MAD1L1: variants seen among roughly 807,000 people sequenced by gnomAD.
MAD1L1 encodes the protein mitotic arrest deficient 1 like 1.
In MAD1L1, 95 loss-of-function variants were observed where a neutral mutation model predicts 96.9. The observed-to-expected ratio is 0.98, with a 90% CI of 0.83 to 1.16. MAD1L1 has a LOEUF of 1.16. Ranked by LOEUF, MAD1L1 falls within the 50% of genes most tolerant of loss-of-function variation. The pLI, the probability that MAD1L1 is intolerant of heterozygous loss-of-function variation, is 0.00. For synonymous variants in MAD1L1, 473 were observed against 396.6 expected (o/e 1.19, Z -2.29); for missense variants, 1,007 against 954.4 (o/e 1.06, Z -0.73).
intron 18 of MAD1L1, among the ~76,000 whole-genome samples, chr7:1,861,404 C>T (rs571997948): frequency 2.6e-5 from 4 of 151,870 alleles, no homozygotes; most frequent in Admixed American, 6.6e-5. Context: ...GTCACTGCTC[C>T]GCCTGCCCCC....
chr7:1,969,343 C>T (rs1488925733), intron 15 of MAD1L1, among the ~76,000 whole-genome samples: 1 of 152,140 alleles, frequency 6.6e-6, no homozygotes, highest in Non-Finnish European at 1.5e-5. Context: ...GATGGTGCCA[C>T]TACACTCCAG....
chr7:2,081,740 A>G (rs895059300), intron 11 of MAD1L1, among the ~76,000 whole-genome samples: 2 of 152,168 alleles, frequency 1.3e-5, no homozygotes, highest in Non-Finnish European at 2.9e-5. Context: ...AGGGGGCAGG[A>G]GCTAAGTGCG....
At chr7:1,838,216 A>G (rs1026229950) in intron 18 of MAD1L1, among the ~76,000 whole-genome samples, 10 of 152,318 alleles carry the variant, frequency 6.6e-5, no homozygotes, top group Non-Finnish European at 1.5e-4. Flanking sequence ...AAGCATCATA[A>G]AAGCAGACAG....
chr7:2,086,168 G>A (rs576554918), intron 11 of MAD1L1, among the ~76,000 whole-genome samples: 2 of 152,312 alleles, frequency 1.3e-5, no homozygotes, highest in Admixed American at 1.3e-4. Context: ...CTAAGGATGA[G>A]CCCCTCCCTC....
At chr7:1,872,568 G>C (rs1785164867) in intron 18 of MAD1L1, 2 of 152,312 alleles carry the variant, frequency 1.3e-5, no homozygotes, top group South Asian at 4.1e-4. Context: ...TTCCAGAACA[G>C]GATCCAGGCT....
At chr7:2,130,345 T>C (rs1788453128) in intron 11 of MAD1L1, among the ~76,000 whole-genome samples, 1 of 152,052 alleles carries the variant, frequency 6.6e-6, no homozygotes, top group Admixed American at 6.6e-5. Flanking sequence ...CCCAGAGCTC[T>C]CTCCACGCCA....
intron 18 of MAD1L1, among the ~76,000 whole-genome samples, chr7:1,825,912 C>T (rs1409196396): frequency 2.6e-5 from 4 of 151,932 alleles, no homozygotes; most frequent in Admixed American, 2.0e-4. Context: ...GGTTGGCGGT[C>T]GGCACAGTCC....
At chr7:1,918,964 G>A (rs1167630268) in intron 17 of MAD1L1, among the ~76,000 whole-genome samples, 2 of 146,316 alleles carry the variant, frequency 1.4e-5, no homozygotes, top group African/African-American at 2.5e-5. Context: ...TCCAACACCC[G>A]TCCTGTCTCT....
intron 12 of MAD1L1, among the ~76,000 whole-genome samples, chr7:2,016,593 C>T (rs1013885744): frequency 3.9e-5 from 6 of 152,172 alleles, no homozygotes; most frequent in African/African-American, 9.6e-5. Context: ...CCCCCACAGG[C>T]GAGGAGGGCG....
At chr7:1,848,047 G>T in intron 18 of MAD1L1, 1 of 338,348 alleles carries the variant, frequency 3.0e-6, no homozygotes, top group Non-Finnish European at 5.8e-6. Context: ...GTCCCAGCGT[G>T]GGATGTGGTG....
In MAD1L1 at chr7:1,816,736, C is replaced by T. The variant is rs141253669; in HGVS notation, c.1999-508G>A. 9.3e-3 allele frequency among the ~76,000 whole-genome samples: 1,408 copies of T among 152,134 alleles called. 21 individuals are homozygous for T. The highest frequency in any genetic ancestry group is 0.032 in the African/African-American group (1,331 of 41,498). Reference sequence around the variant, plus strand: ...AGGGCGGCCTCCTGTAACTGGAGAACGGGCAAGGAGGAGCTTCCAGACAGC... The same window carrying T: ...AGGGCGGCCTCCTGTAACTGGAGAATGGGCAAGGAGGAGCTTCCAGACAGC... On this transcript the variant is annotated intron_variant, in intron 18 of 18. Transcript: ENST00000265854.
At chr7:1,848,117 A>G (rs1487225848) in intron 18 of MAD1L1, 1 of 248,792 alleles carries the variant, frequency 4.0e-6, no homozygotes, top group African/African-American at 2.2e-5. Context: ...ACACAGACCT[A>G]GTGTCGCTCT....
intron 18 of MAD1L1, among the ~76,000 whole-genome samples, chr7:1,830,802 C>G (rs1390318556): frequency 1.3e-5 from 2 of 151,950 alleles, no homozygotes; most frequent in East Asian, 3.8e-4. Flanking sequence ...GTAAAAAATT[C>G]AATCCAAGAA....
At position 1,820,395 on chromosome 7, in the gene MAD1L1, C is replaced by G. The variant is rs1321834141; in HGVS notation, c.1999-4167G>C. On this transcript the variant is annotated intron_variant, in intron 18 of 18. Transcript: ENST00000265854. ...AACGAAGGGAAAAACAAGCCCGAAG[C>G]AGGAGGAGGAAATAATACAAGTAGG... is the stretch of plus-strand genomic sequence containing the variant. Among the ~76,000 whole-genome samples the G allele has an allele frequency of 2.0e-5, 3 of 152,080 alleles. No homozygotes were observed. The East Asian group carries it at 5.8e-4, about 29-fold the overall frequency.
chr7:2,121,102 T>G (rs944097020), intron 11 of MAD1L1, among the ~76,000 whole-genome samples: 1 of 152,074 alleles, frequency 6.6e-6, no homozygotes, highest in African/African-American at 2.4e-5. Context: ...CGGCGCAGGC[T>G]CCCAGGGCAG....
chr7:2,136,379 G>A (rs1788753024), intron 11 of MAD1L1, among the ~76,000 whole-genome samples: 1 of 152,122 alleles, frequency 6.6e-6, no homozygotes, highest in South Asian at 2.1e-4. Context: ...CAAAGCGAGA[G>A]GCTCCCCGCC....
intron 6 of MAD1L1, 39 bp from the exon 7 acceptor site, chr7:2,218,082 T>C (rs570307995): frequency 6.6e-7 from 1 of 1,505,064 alleles, no homozygotes; most frequent in East Asian, 2.3e-5. Context: ...GAAACAGGCA[T>C]GCGGCAAGGC....
chr7:2,171,034 G>A (rs912029836), intron 10 of MAD1L1, among the ~76,000 whole-genome samples: 1 of 152,228 alleles, frequency 6.6e-6, no homozygotes, highest in African/African-American at 2.4e-5. Flanking sequence ...AGATGATTTA[G>A]CAAGACAGGC....
chr7:2,066,951 T>C (rs1784901745), intron 12 of MAD1L1, among the ~76,000 whole-genome samples: 1 of 152,228 alleles, frequency 6.6e-6, no homozygotes, highest in African/African-American at 2.4e-5. Context: ...TCCCAAGGGA[T>C]GAGCCTCAGC....
Sources: allele counts gnomAD v4.1 joint callset (sites outside exome capture counted in the v4.1 genomes callset), GRCh38; gene constraint gnomAD v4.1.1; transcripts MANE v1.5; gene names NCBI Gene and HGNC (gene_info 2026-07-23, HGNC 2026-07-21).